The following TMEM108 variants were observed in gnomAD, a reference collection of about 807,000 sequenced individuals.
The protein encoded by TMEM108 is cancer/testis antigen 124.
A neutral mutation model predicts 35.1 loss-of-function variants in TMEM108; 12 were observed. The ratio of observed to expected loss-of-function variants is 0.34; its 90% CI spans 0.22 to 0.55. The LOEUF is 0.55. TMEM108 is among the 20% of genes least tolerant of loss of function. The pLI is 0.89. For missense variants in TMEM108, 680 were observed against 753.3 expected, an observed-to-expected ratio of 0.90 and a Z score of 1.14; for synonymous variants, 287 against 308.6, an observed-to-expected ratio of 0.93 and a Z score of 0.73.
chr3:133,362,213 C>A lies in TMEM108; in HGVS notation c.41-17539C>A, dbSNP rs143779002. 2.5e-3 allele frequency among the ~76,000 whole-genome samples: 377 copies of A among 152,252 alleles called. 1 individual carries two copies. The highest frequency in any genetic ancestry group is 8.5e-3 in the African/African-American group (355 of 41,552). On this transcript the variant is annotated intron_variant, in intron 3 of 5. Transcript: ENST00000321871. ...AAGTTCCGCAACATAATTCGCTGTG[C>A]ATGAAGATGATATCATTGTTATGAG... is the stretch of plus-strand genomic sequence containing the variant.
chr3:133,213,990 C>T (rs1024628799), intron 2 of TMEM108, among the ~76,000 whole-genome samples: 12 of 151,964 alleles, frequency 7.9e-5, no homozygotes, highest in African/African-American at 2.9e-4. Flanking sequence ...GGGGAATGGC[C>T]CAAAAGCCTT....
intron 2 of TMEM108, among the ~76,000 whole-genome samples, chr3:133,206,631 G>A (rs1306817470): frequency 2.6e-5 from 4 of 152,198 alleles, no homozygotes; most frequent in African/African-American, 9.7e-5. Context: ...ACCAGCAGAG[G>A]CTGCAGAATA....
At chr3:133,066,766 C>T (rs917135618) in intron 2 of TMEM108, among the ~76,000 whole-genome samples, 3 of 152,272 alleles carry the variant, frequency 2.0e-5, no homozygotes, top group Admixed American at 6.5e-5. Context: ...ATAACCACTG[C>T]CTTTGAAGCC....
chr3:133,066,971 A>T (rs1203515367), intron 2 of TMEM108, among the ~76,000 whole-genome samples: 1 of 152,186 alleles, frequency 6.6e-6, no homozygotes, highest in Non-Finnish European at 1.5e-5. Context: ...AGATTCACCC[A>T]TGTTGAAATT....
In TMEM108 at chr3:133,306,612, C is replaced by T. The variant is rs959755451; in HGVS notation, c.41-73140C>T. 4.6e-5 allele frequency among the ~76,000 whole-genome samples: 7 copies of T among 152,048 alleles called. No individual in the cohort carries two copies. In the East Asian group the frequency reaches 5.8e-4, roughly 13 times the overall value. ...GTTCCCACGTATGAGTGAGAGCATG[C>T]GGTGTTTGGTTTTTCTGTCCCTGTG... On this transcript the variant is annotated intron_variant, in intron 3 of 5. Coordinates refer to ENST00000321871, the MANE Select transcript of TMEM108 (RefSeq NM_023943.4).
At chr3:133,352,691 C>T (rs553065839) in intron 3 of TMEM108, among the ~76,000 whole-genome samples, 19 of 152,274 alleles carry the variant, frequency 1.2e-4, no homozygotes, top group East Asian at 1.9e-4. Context: ...AGAAAGAAGA[C>T]GTGCCTAGGG....
At chr3:133,259,456 G>A (rs554826555) in intron 3 of TMEM108, among the ~76,000 whole-genome samples, 12 of 152,282 alleles carry the variant, frequency 7.9e-5, no homozygotes, top group Admixed American at 2.0e-4. Context: ...CACTGCTTTC[G>A]CATATTTACG....
intron 3 of TMEM108, among the ~76,000 whole-genome samples, chr3:133,326,889 C>G (rs2071339906): frequency 6.6e-6 from 1 of 152,202 alleles, no homozygotes; most frequent in Admixed American, 6.5e-5. Context: ...CATTCAAGTG[C>G]CCACAGTATA....
chr3:133,085,781 A>G (rs1943874506), intron 2 of TMEM108, among the ~76,000 whole-genome samples: 1 of 151,270 alleles, frequency 6.6e-6, no homozygotes, highest in Non-Finnish European at 1.5e-5. Context: ...TTTCTTTCAT[A>G]GAAGAATGGT....
rs1945045292 is a variant in TMEM108, at chr3:133,166,783, G to A, written c.-46-62483G>A. The stretch of plus-strand genomic sequence containing the variant: ...GCAGCAGAAAGATTTATTGCAAAGA[G>A]CTAAAGAACAAAGCTCCCACAGTGT... On this transcript the variant is annotated intron_variant, in intron 2 of 5. Transcript: ENST00000321871. Among the ~76,000 whole-genome samples the A allele has an allele frequency of 7.9e-5, 12 of 152,220 alleles. No homozygotes were observed. The South Asian group carries it at 2.5e-3, about 32-fold the overall frequency.
intron 2 of TMEM108, among the ~76,000 whole-genome samples, chr3:133,053,644 G>T (rs767317132): frequency 2.2e-4 from 34 of 152,326 alleles, no homozygotes; most frequent in Non-Finnish European, 4.3e-4. Context: ...AATCTCAGGG[G>T]TTTTTAGGAT....
At chr3:133,268,026 A>G (rs1946722699) in intron 3 of TMEM108, among the ~76,000 whole-genome samples, 1 of 152,244 alleles carries the variant, frequency 6.6e-6, no homozygotes, top group African/African-American at 2.4e-5. Flanking sequence ...CTACCACACA[A>G]GGCCATCAAG....
At chr3:133,214,669 C>T (rs1055115798) in intron 2 of TMEM108, among the ~76,000 whole-genome samples, 5 of 152,078 alleles carry the variant, frequency 3.3e-5, no homozygotes, top group Non-Finnish European at 5.9e-5. Context: ...GTTATATAAC[C>T]GGCATCCCCC....
At chr3:133,073,599 G>A (rs554194723) in intron 2 of TMEM108, among the ~76,000 whole-genome samples, 6 of 147,598 alleles carry the variant, frequency 4.1e-5, no homozygotes, top group African/African-American at 1.5e-4. Flanking sequence ...CTTGGCTATT[G>A]TGAATAATGG....
intron 3 of TMEM108, among the ~76,000 whole-genome samples, chr3:133,312,704 C>A (rs2071149008): frequency 6.6e-6 from 1 of 152,214 alleles, no homozygotes; most frequent in Admixed American, 6.5e-5. Flanking sequence ...AATGCCCTGC[C>A]CTGCTTTGGC....
chr3:133,332,416 G>A (rs2071407104), intron 3 of TMEM108, among the ~76,000 whole-genome samples: 1 of 152,196 alleles, frequency 6.6e-6, no homozygotes, highest in Non-Finnish European at 1.5e-5. Context: ...CTACCTTAAA[G>A]TCTCGCTCTG....
chr3:133,100,939 G>T (rs1944079216), intron 2 of TMEM108, among the ~76,000 whole-genome samples: 1 of 152,080 alleles, frequency 6.6e-6, no homozygotes, highest in African/African-American at 2.4e-5. Flanking sequence ...CTAGTTGTGT[G>T]TATAATAACT....
intron 3 of TMEM108, among the ~76,000 whole-genome samples, chr3:133,354,820 A>G (rs944124634): frequency 2.6e-5 from 4 of 151,976 alleles, no homozygotes; most frequent in Non-Finnish European, 5.9e-5. Context: ...TCAAATGGAT[A>G]TAAATTCCTA....
chr3:133,196,816 A>G (rs1027403732), intron 2 of TMEM108, among the ~76,000 whole-genome samples: 3 of 152,200 alleles, frequency 2.0e-5, no homozygotes, highest in Admixed American at 1.3e-4. Context: ...AGTTTATCAC[A>G]TGTCATTCTT....
Sources: gnomAD v4.1 joint callset for allele counts (sites outside exome capture counted in the v4.1 genomes callset) on GRCh38, gnomAD v4.1.1 for gene constraint, MANE v1.5 for transcripts, NCBI Gene and HGNC (gene_info 2026-07-23, HGNC 2026-07-21) for gene names.